The following KDELR3 variants were observed in gnomAD, a reference collection of about 807,000 sequenced individuals.
The protein encoded by KDELR3 is ER lumen protein-retaining receptor 3.
KDELR3 carries 26 observed loss-of-function variants against 22.7 expected under a neutral mutation model. That is an observed-to-expected ratio of 1.15 (90% CI 0.84 to 1.59). KDELR3 has a LOEUF of 1.59. Ranked by LOEUF, KDELR3 falls within the 40% of genes most tolerant of loss-of-function variation. KDELR3 has a pLI of 0.00. For synonymous variants in KDELR3, 120 were observed against 98.2 expected (o/e 1.22, Z -1.31); for missense variants, 289 against 251.1 (o/e 1.15, Z -1.02).
At chr22:38,470,203 A>C (rs2089516548) in intron 1 of KDELR3, among the ~76,000 whole-genome samples, 1 of 150,872 alleles carries the variant, frequency 6.6e-6, no homozygotes, top group Non-Finnish European at 1.5e-5. Flanking sequence ...GGCTCACTGC[A>C]ACCTCTGCCT....
At chr22:38,470,608 C>T (rs1044708726) in intron 1 of KDELR3, among the ~76,000 whole-genome samples, 1 of 152,134 alleles carries the variant, frequency 6.6e-6, no homozygotes, top group African/African-American at 2.4e-5. Flanking sequence ...CCCCAAAGAC[C>T]AGAGACTTGG....
rs960209134 is a variant in KDELR3 at position 38,481,638 on chromosome 22, T to C, written c.604+174T>C. The C allele has an allele frequency of 8.2e-6, 12 of 1,461,986 alleles. No individual in the cohort carries two copies. The African/African-American group carries it at 1.4e-4, about 17-fold the overall frequency. 90.6% of individuals were successfully genotyped at this position (1,461,986 alleles called of 1,614,324 possible). On this transcript the variant is annotated intron_variant, in intron 4 of 4. Transcript: ENST00000216014. ...TAAAGAAACAAATGCCATAAAAACA[T>C]GCAGGCCAATAGGTTATGTGTACTA...
intron 1 of KDELR3, among the ~76,000 whole-genome samples, chr22:38,474,094 A>C (rs1345439163): frequency 6.6e-6 from 1 of 152,156 alleles, no homozygotes; most frequent in African/African-American, 2.4e-5. Context: ...TGGTGAATCA[A>C]CACCTTGTAA....
At chr22:38,470,792 A>T (rs1204103735) in intron 1 of KDELR3, among the ~76,000 whole-genome samples, 1 of 152,088 alleles carries the variant, frequency 6.6e-6, no homozygotes, top group Non-Finnish European at 1.5e-5. Flanking sequence ...CCGGGTCTCC[A>T]TGTGCAGCTT....
rs766759831 is a variant in KDELR3 at position 38,479,565 on chromosome 22, C to T, written c.193-28C>T. Reference sequence around the variant, plus strand: ...AGGCCGGGAAATGACTTCATAGATTCGATTCCCATGTCTCTCTCCCCTTTT... The same window carrying T: ...AGGCCGGGAAATGACTTCATAGATTTGATTCCCATGTCTCTCTCCCCTTTT... On this transcript the variant is annotated intron_variant, in intron 2 of 4. Coordinates refer to ENST00000216014, the MANE Select transcript of KDELR3 (RefSeq NM_006855.4). 2.5e-6 allele frequency: 4 copies of T among 1,600,304 alleles called. No individual in the cohort carries two copies. In the African/African-American group the frequency reaches 4.0e-5, roughly 16 times the overall value.
intron 1 of KDELR3, among the ~76,000 whole-genome samples, chr22:38,470,383 C>G (rs1362551109): frequency 2.0e-5 from 3 of 152,170 alleles, no homozygotes; most frequent in African/African-American, 4.8e-5. Flanking sequence ...GCCACCATGC[C>G]CGGCCAAGTG....
At position 38,483,361 on chromosome 22, in the gene KDELR3, CT is replaced by C. The variant is rs2089620143; in HGVS notation, c.*828del. ...AATCAGTCAATCCAATATCCCCCAT[CT>C]TTGTCTTGAAACAAAAACTGTTTTA... On this transcript the variant is annotated 3_prime_UTR_variant, in exon 5 of 5. Transcript: ENST00000216014. 6.6e-6 allele frequency: 1 copy of C among 152,182 alleles called. No individual in the cohort carries two copies. Among genetic ancestry groups the C allele is most frequent in the Non-Finnish European group, 1.5e-5 (1 of 68,036 alleles). The allele number at this position is 152,182 out of a possible 1,614,324, so 9.4% of individuals were successfully genotyped here.
Position 38,474,246 on chromosome 22 carries a change from G to A in KDELR3, c.92-277G>A. The A allele has an allele frequency of 6.2e-6, 2 of 321,438 alleles. 1 individual carries two copies. Among genetic ancestry groups the A allele is most frequent in the South Asian group, 7.9e-5 (2 of 25,204 alleles). The allele number at this position is 321,438 out of a possible 1,614,324, so 19.9% of individuals were successfully genotyped here. A position where few individuals can be genotyped will look rare whatever the true frequency, so the allele number is the denominator to read the frequency against. ...CATCCTCCCCAGAGCAAGAGCCCAG[G>A]CAGGCACACGCAGGGGGACTGGGAA... On this transcript the variant is annotated intron_variant, in intron 1 of 4. Coordinates refer to ENST00000216014, the MANE Select transcript of KDELR3 (RefSeq NM_006855.4).
At chr22:38,479,956 A>C (rs553218030) in intron 3 of KDELR3, among the ~76,000 whole-genome samples, 22 of 152,320 alleles carry the variant, frequency 1.4e-4, no homozygotes, top group Admixed American at 1.3e-3. Flanking sequence ...CCCATAAACC[A>C]AGCAGGCATC....
chr22:38,481,176 C>T, intron 3 of KDELR3, 36 bp from the exon 4 acceptor site: 4 of 1,572,200 alleles, frequency 2.5e-6, no homozygotes, highest in Non-Finnish European at 3.5e-6. Flanking sequence ...TCTTCTTGGT[C>T]TTGCTCAGTC....
intron 4 of KDELR3, 190 bp downstream of exon 4, chr22:38,481,654 A>C: frequency 6.9e-7 from 1 of 1,440,590 alleles, no homozygotes; most frequent in Non-Finnish European, 9.1e-7. Context: ...CCAATAGGTT[A>C]TGTGTACTAT....
chr22:38,474,360 TGA>T (rs2089544077), intron 1 of KDELR3, 161 bp from the exon 2 acceptor site: 7 of 578,832 alleles, frequency 1.2e-5, no homozygotes, highest in Non-Finnish European at 2.2e-5. Flanking sequence ...ATGGGAAGGG[TGA>T]GTTTCCTGGC....
intron 4 of KDELR3, 27 bp from the exon 5 acceptor site, chr22:38,482,469 T>C: frequency 6.3e-7 from 1 of 1,588,802 alleles, no homozygotes; most frequent in Non-Finnish European, 8.6e-7. Flanking sequence ...GATGGTAAAT[T>C]CTTATTTCAT....
rs894001729 is a variant in KDELR3 at position 38,481,590 on chromosome 22, T to C, written c.604+126T>C. 28 of 1,528,800 alleles carry C rather than the reference T, an allele frequency of 1.8e-5. No homozygotes were observed. The Admixed American group carries it at 4.9e-4, about 27-fold the overall frequency. 94.7% of individuals were successfully genotyped at this position (1,528,800 alleles called of 1,614,324 possible). ...GCCATCCACAATGCTTGTGTTCTAATGCAAGAAGACAAATATTTTCAATAA... is the reference window on the plus strand; with the variant it reads ...GCCATCCACAATGCTTGTGTTCTAACGCAAGAAGACAAATATTTTCAATAA... On this transcript the variant is annotated intron_variant, in intron 4 of 4. Coordinates refer to ENST00000216014, the MANE Select transcript of KDELR3 (RefSeq NM_006855.4).
At chr22:38,479,149 C>T (rs376680348) in intron 2 of KDELR3, among the ~76,000 whole-genome samples, 2 of 151,722 alleles carry the variant, frequency 1.3e-5, no homozygotes, top group Non-Finnish European at 2.9e-5. Flanking sequence ...GAGGATCACT[C>T]GACCCCAGGG....
chr22:38,476,934 G>A (rs1489727470), intron 2 of KDELR3, among the ~76,000 whole-genome samples: 1 of 149,044 alleles, frequency 6.7e-6, no homozygotes, highest in East Asian at 2.0e-4. Context: ...TGTTTAGACA[G>A]AATCTAGCTC....
chr22:38,468,791 C>T (rs1168480893), intron 1 of KDELR3, among the ~76,000 whole-genome samples: 1 of 152,208 alleles, frequency 6.6e-6, no homozygotes, highest in Non-Finnish European at 1.5e-5. Context: ...ATGTGTGGCA[C>T]CGGTGGCTGT....
At chr22:38,482,119 T>C (rs1377902679) in intron 4 of KDELR3, among the ~76,000 whole-genome samples, 2 of 152,086 alleles carry the variant, frequency 1.3e-5, no homozygotes, top group Non-Finnish European at 2.9e-5. Flanking sequence ...CTAGCTGCTA[T>C]GTAGGGTAGA....
rs553383720 is a variant in KDELR3 at position 38,468,597 on chromosome 22, T to C, written c.91+273T>C. Reference sequence around the variant, plus strand: ...GTCACTGCTGGTTGGAAGAGGGGGTTATAAGGGAGGTGACAACCCCTCCCT... The same window carrying C: ...GTCACTGCTGGTTGGAAGAGGGGGTCATAAGGGAGGTGACAACCCCTCCCT... On this transcript the variant is annotated intron_variant, in intron 1 of 4. Transcript: ENST00000216014. Among the ~76,000 whole-genome samples, 14 of 152,266 alleles carry C rather than the reference T, an allele frequency of 9.2e-5. No individual in the cohort carries two copies. The East Asian group carries it at 2.3e-3, about 25-fold the overall frequency.
Sources: allele counts gnomAD v4.1 joint callset (sites outside exome capture counted in the v4.1 genomes callset), GRCh38; gene constraint gnomAD v4.1.1; transcripts MANE v1.5; gene names NCBI Gene and HGNC (gene_info 2026-07-23, HGNC 2026-07-21).